Variants in AGBL4 observed in about 807,000 individuals in gnomAD.
AGBL4 encodes the protein AGBL carboxypeptidase 4, also known as cytosolic carboxypeptidase 6.
In AGBL4, 58 loss-of-function variants were observed where a neutral mutation model predicts 66.4. The observed-to-expected ratio is 0.87, with a 90% CI of 0.71 to 1.09. The LOEUF (loss-of-function observed/expected upper bound fraction) is 1.09. AGBL4 is among the 50% of genes least tolerant of loss of function. The pLI is 0.00. For missense variants in AGBL4, 579 were observed against 631.0 expected (o/e 0.92, Z 0.88); for synonymous variants, 234 against 222.9 (o/e 1.05, Z -0.44).
chr1:49,307,625 C>T (rs995028152), intron 3 of AGBL4, among the ~76,000 whole-genome samples: 1 of 152,134 alleles, frequency 6.6e-6, no homozygotes, highest in Non-Finnish European at 1.5e-5. Context: ...TAGTGCTAGT[C>T]AACTAGCCTA....
chr1:49,449,685 G>C (rs1186279471), intron 3 of AGBL4, among the ~76,000 whole-genome samples: 1 of 151,928 alleles, frequency 6.6e-6, no homozygotes, highest in Non-Finnish European at 1.5e-5. Flanking sequence ...GGTACAAGAG[G>C]TTGTACGGTG....
At chr1:49,897,281 AC>A (rs1393426028) in intron 1 of AGBL4, among the ~76,000 whole-genome samples, 1 of 152,098 alleles carries the variant, frequency 6.6e-6, no homozygotes, top group Non-Finnish European at 1.5e-5. Context: ...CAATCAACAT[AC>A]AAAAAAATCA....
intron 3 of AGBL4, among the ~76,000 whole-genome samples, chr1:49,518,040 G>T (rs775278364): frequency 2.6e-5 from 4 of 152,034 alleles, no homozygotes; most frequent in Non-Finnish European, 5.9e-5. Flanking sequence ...GCCACATGCA[G>T]TCCATAGACT....
At chr1:49,964,939 T>C (rs1301305237) in intron 1 of AGBL4, among the ~76,000 whole-genome samples, 2 of 152,178 alleles carry the variant, frequency 1.3e-5, no homozygotes, top group Non-Finnish European at 2.9e-5. Flanking sequence ...ATATAAAACA[T>C]ATTTTATTAT....
chr1:49,027,352 G>A (rs914815335), intron 5 of AGBL4, among the ~76,000 whole-genome samples: 3 of 151,918 alleles, frequency 2.0e-5, no homozygotes, highest in Non-Finnish European at 4.4e-5. Flanking sequence ...TAGTAGAGAC[G>A]GAGTTTCACT....
At chr1:48,755,932 A>G (rs1652471381) in intron 6 of AGBL4, among the ~76,000 whole-genome samples, 1 of 152,194 alleles carries the variant, frequency 6.6e-6, no homozygotes, top group Non-Finnish European at 1.5e-5. Context: ...ATATTGTAAG[A>G]GGATACTGAG....
chr1:49,645,242 G>A (rs1190879778), intron 3 of AGBL4, among the ~76,000 whole-genome samples: 3 of 151,278 alleles, frequency 2.0e-5, no homozygotes, highest in South Asian at 2.1e-4. Flanking sequence ...ATGAATAGAT[G>A]AAATAGAAAA....
chr1:49,292,446 TC>T (rs1644558698), intron 3 of AGBL4, among the ~76,000 whole-genome samples: 1 of 152,062 alleles, frequency 6.6e-6, no homozygotes, highest in African/African-American at 2.4e-5. Context: ...GAACTTACGG[TC>T]CCTTTTCTGG....
At chr1:49,194,290 C>A (rs1647182775) in intron 4 of AGBL4, among the ~76,000 whole-genome samples, 2 of 150,856 alleles carry the variant, frequency 1.3e-5, no homozygotes, top group African/African-American at 4.9e-5. Flanking sequence ...TTTTTTTTAC[C>A]ATTTTTGATT....
At chr1:49,303,118 A>G (rs1644785452) in intron 3 of AGBL4, among the ~76,000 whole-genome samples, 1 of 152,174 alleles carries the variant, frequency 6.6e-6, no homozygotes, top group Non-Finnish European at 1.5e-5. Flanking sequence ...TGCAATGAAC[A>G]CACTTGTGCA....
chr1:49,103,071 C>A (rs192329672), intron 4 of AGBL4, among the ~76,000 whole-genome samples: 49 of 152,166 alleles, frequency 3.2e-4, no homozygotes, highest in African/African-American at 1.2e-3. Flanking sequence ...ATGCATAAAC[C>A]ACTTCCCTGG....
At chr1:48,942,097 T>C (rs944085078) in intron 5 of AGBL4, among the ~76,000 whole-genome samples, 2 of 152,208 alleles carry the variant, frequency 1.3e-5, no homozygotes, top group African/African-American at 2.4e-5. Context: ...ATCATAGATA[T>C]AGTCCACATA....
chr1:48,816,059 G>GTGTC (rs1646166750), intron 6 of AGBL4, among the ~76,000 whole-genome samples: 1 of 146,870 alleles, frequency 6.8e-6, no homozygotes, highest in African/African-American at 2.6e-5. Flanking sequence ...GTGTGTGTGT[G>GTGTC]TGTGTGTGTG....
At chr1:49,251,718 C>A (rs1384293163) in intron 3 of AGBL4, among the ~76,000 whole-genome samples, 1 of 152,216 alleles carries the variant, frequency 6.6e-6, no homozygotes, top group African/African-American at 2.4e-5. Context: ...GTTCCCCCAG[C>A]ACAGTGAACT....
chr1:48,876,443 T>C (rs1420850430), intron 5 of AGBL4, among the ~76,000 whole-genome samples: 1 of 152,168 alleles, frequency 6.6e-6, no homozygotes, highest in Non-Finnish European at 1.5e-5. Flanking sequence ...GTTCCAGTCA[T>C]GAGTCAGAAG....
intron 3 of AGBL4, among the ~76,000 whole-genome samples, chr1:49,274,789 A>G (rs1205926109): frequency 5.3e-5 from 8 of 152,118 alleles, no homozygotes; most frequent in Non-Finnish European, 1.2e-4. Context: ...CTAGCTCAAC[A>G]TCAAGCAGAA....
chr1:49,540,542 A>C (rs995395843), intron 3 of AGBL4, among the ~76,000 whole-genome samples: 1 of 152,196 alleles, frequency 6.6e-6, no homozygotes, highest in Non-Finnish European at 1.5e-5. Context: ...CCTATGGTCA[A>C]GCATATAGTG....
At chr1:49,905,868 C>A (rs1312031784) in intron 1 of AGBL4, among the ~76,000 whole-genome samples, 3 of 151,974 alleles carry the variant, frequency 2.0e-5, no homozygotes, top group Non-Finnish European at 4.4e-5. Context: ...CCACTTACTT[C>A]TTGAGTCTGT....
intron 9 of AGBL4, among the ~76,000 whole-genome samples, chr1:48,602,778 C>T (rs1319259785): frequency 6.6e-6 from 1 of 152,190 alleles, no homozygotes; most frequent in African/African-American, 2.4e-5. Flanking sequence ...TCCCTTCATT[C>T]TTTCTTCCTC....
Sources: gnomAD v4.1 joint callset for allele counts (sites outside exome capture counted in the v4.1 genomes callset) on GRCh38, gnomAD v4.1.1 for gene constraint, MANE v1.5 for transcripts, NCBI Gene and HGNC (gene_info 2026-07-23, HGNC 2026-07-21) for gene names.